Variants in NIPBL observed in about 807,000 individuals in gnomAD.
NIPBL encodes nipped-B-like protein.
A neutral mutation model predicts 321.8 loss-of-function variants in NIPBL; 19 were observed. That is an observed-to-expected ratio of 0.06 (90% CI 0.04 to 0.09). The LOEUF (loss-of-function observed/expected upper bound fraction) is 0.09, where lower values mean the gene tolerates loss of function less well. NIPBL is among the 10% of genes least tolerant of loss of function. NIPBL has a pLI of 1.00. For synonymous variants in NIPBL, 1,106 were observed against 1,114.1 expected, an observed-to-expected ratio of 0.99 and a Z score of 0.14; for missense variants, 2,210 against 3,327.0, an observed-to-expected ratio of 0.66 and a Z score of 8.26.
chr5:37,033,076 G>C (rs746244475), intron 32 of NIPBL, among the ~76,000 whole-genome samples: 2 of 151,864 alleles, frequency 1.3e-5, no homozygotes, highest in African/African-American at 2.4e-5. Context: ...TTTCAGAGTG[G>C]GCAAGAAAAA....
intron 17 of NIPBL, 103 bp downstream of exon 17, chr5:37,006,691 A>G (rs912887354): frequency 3.0e-6 from 2 of 673,838 alleles, no homozygotes; most frequent in Non-Finnish European, 5.3e-6. Flanking sequence ...TATAACTTGT[A>G]ATAAACACTG....
chr5:36,990,808 AT>A (rs1745413929), intron 10 of NIPBL, among the ~76,000 whole-genome samples: 1 of 152,162 alleles, frequency 6.6e-6, no homozygotes, highest in African/African-American at 2.4e-5. Context: ...TGCTGGAGGT[AT>A]TCTCTCTCCT....
In NIPBL at chr5:37,048,518, G is replaced by C; in HGVS notation, c.6606G>C (p.Gln2202His). The C allele has an allele frequency of 5.7e-6, 9 of 1,577,436 alleles. No homozygotes were observed. The highest frequency in any genetic ancestry group is 7.7e-6 in the Non-Finnish European group (9 of 1,161,628). Reference protein sequence around the residue: ...AIIGLGFAFIQHPSLMFEQEV... With the variant: ...AIIGLGFAFIHHPSLMFEQEV... ...CTCCCATAGGATTTGCCTTTATTCA[G>C]CATCCAAGTCTAATGTTCGAGCAAG... The change falls in exon 39 of 47, where the codon CAG becomes CAC. Residue 2202 changes from glutamine to histidine, a missense_variant. By Grantham distance (24) the Gln-to-His change is conservative. Coordinates refer to ENST00000282516, the MANE Select transcript of NIPBL (RefSeq NM_133433.4).
chr5:36,955,314 G>C (rs1250900968), intron 2 of NIPBL, among the ~76,000 whole-genome samples, 158 bp from the exon 3 acceptor site: 1 of 152,200 alleles, frequency 6.6e-6, no homozygotes, highest in Non-Finnish European at 1.5e-5. Context: ...TGGAAGTTTT[G>C]TAGGGTTGAT....
chr5:36,952,171 C>T (rs947809802), intron 1 of NIPBL, among the ~76,000 whole-genome samples: 3 of 151,380 alleles, frequency 2.0e-5, no homozygotes, highest in African/African-American at 4.9e-5. Flanking sequence ...TTTAACTACC[C>T]GTATAATTAT....
At chr5:36,930,149 A>G (rs941671925) in intron 1 of NIPBL, among the ~76,000 whole-genome samples, 13 of 152,084 alleles carry the variant, frequency 8.5e-5, no homozygotes, top group South Asian at 2.1e-4. Context: ...TGTTGAATCT[A>G]TAGATCAATT....
intron 1 of NIPBL, chr5:36,885,288 T>C: frequency 2.0e-6 from 1 of 502,100 alleles, no homozygotes; most frequent in South Asian, 1.5e-5. Flanking sequence ...GGTGCCTGAC[T>C]GGTCAGCAGT....
chr5:37,002,262 G>GT (rs1398586609), intron 14 of NIPBL, among the ~76,000 whole-genome samples: 1 of 152,118 alleles, frequency 6.6e-6, no homozygotes, highest in Non-Finnish European at 1.5e-5. Context: ...TAAGCAAAGA[G>GT]TAAGAGATAT....
chr5:36,904,348 T>C (rs931975591), intron 1 of NIPBL, among the ~76,000 whole-genome samples: 3 of 152,170 alleles, frequency 2.0e-5, no homozygotes, highest in Admixed American at 1.3e-4. Context: ...CGTGTGCCTG[T>C]AATCCCACTA....
At chr5:36,905,945 C>T (rs374219440) in intron 1 of NIPBL, among the ~76,000 whole-genome samples, 7 of 152,030 alleles carry the variant, frequency 4.6e-5, no homozygotes, top group East Asian at 3.9e-4. Flanking sequence ...GGGGTTTCAC[C>T]GTGTTAGCCA....
At chr5:36,955,916 A>T (rs988408670) in intron 3 of NIPBL, among the ~76,000 whole-genome samples, 9 of 151,786 alleles carry the variant, frequency 5.9e-5, no homozygotes, top group African/African-American at 2.2e-4. Flanking sequence ...TTGTGCAGAG[A>T]TCTGGTCATG....
intron 11 of NIPBL, among the ~76,000 whole-genome samples, chr5:37,000,132 C>CT (rs1239074146): frequency 9.9e-5 from 15 of 152,142 alleles, no homozygotes; most frequent in African/African-American, 3.4e-4. Flanking sequence ...ACCTTCCTCT[C>CT]TGTATTTATT....
chr5:36,964,269 C>T (rs182318802), intron 6 of NIPBL, among the ~76,000 whole-genome samples: 1 of 151,706 alleles, frequency 6.6e-6, no homozygotes, highest in Admixed American at 6.6e-5. Context: ...TATATGGAAC[C>T]AAAAAAGACC....
intron 1 of NIPBL, among the ~76,000 whole-genome samples, chr5:36,921,117 A>G (rs1392721959): frequency 6.6e-6 from 1 of 152,032 alleles, no homozygotes; most frequent in Non-Finnish European, 1.5e-5. Context: ...CCATTCCTCC[A>G]GATCCACCAA....
chr5:36,886,335 C>A (rs571894651), intron 1 of NIPBL: 13 of 692,846 alleles, frequency 1.9e-5, no homozygotes, highest in South Asian at 1.7e-4. Context: ...AGGCTGAGAG[C>A]GCCACCTGCC....
chr5:36,979,460 A>G (rs1211752925), intron 9 of NIPBL, among the ~76,000 whole-genome samples: 1 of 151,806 alleles, frequency 6.6e-6, no homozygotes, highest in African/African-American at 2.4e-5. Context: ...GCTTTATTGA[A>G]GTTATCAGGT....
At chr5:37,045,412 A>G in intron 36 of NIPBL, 31 bp from the exon 37 acceptor site, 1 of 1,496,844 alleles carries the variant, frequency 6.7e-7, no homozygotes, top group Non-Finnish European at 9.2e-7. Context: ...AAAGATAAAT[A>G]TTATAAGTAA....
chr5:36,959,017 G>C (rs1018661211), intron 4 of NIPBL, among the ~76,000 whole-genome samples: 1 of 152,024 alleles, frequency 6.6e-6, no homozygotes, highest in Non-Finnish European at 1.5e-5. Flanking sequence ...ACCAGCCTGG[G>C]CAACATGGTG....
At chr5:36,973,831 G>A (rs1743157727) in intron 8 of NIPBL, among the ~76,000 whole-genome samples, 1 of 152,006 alleles carries the variant, frequency 6.6e-6, no homozygotes, top group East Asian at 1.9e-4. Context: ...CCCACTTCTT[G>A]CCCCCTACCC....
Sources: gnomAD v4.1 joint callset for allele counts (sites outside exome capture counted in the v4.1 genomes callset) on GRCh38, gnomAD v4.1.1 for gene constraint, MANE v1.5 for transcripts, NCBI Gene and HGNC (gene_info 2026-07-23, HGNC 2026-07-21) for gene names.